The following ZNF570 variants were observed in gnomAD, a reference collection of about 807,000 sequenced individuals.
ZNF570 encodes the protein zinc finger protein 570.
In ZNF570, 8 loss-of-function variants were observed where a neutral mutation model predicts 14.2. That is an observed-to-expected ratio of 0.56 (90% CI 0.33 to 1.02). The LOEUF is 1.02. ZNF570 is among the 50% of genes least tolerant of loss of function. The pLI is 0.03. For missense variants in ZNF570, 559 were observed against 624.9 expected (o/e 0.89, Z 1.12); for synonymous variants, 202 against 207.6 (o/e 0.97, Z 0.23).
At chr19:37,467,796 G>A, upstream of ZNF570, 1 of 1,285,820 alleles carries the variant, frequency 7.8e-7, no homozygotes. Flanking sequence ...AGTGACATCT[G>A]AGGTCGTGCG....
rs2042180780 is a variant in ZNF570, at chr19:37,488,640, A to C, written c.*3407A>C. The C allele has an allele frequency of 6.6e-6, 1 of 152,046 alleles. No homozygotes were observed. The allele number at this position is 152,046 out of a possible 1,614,324, so 9.4% of individuals were successfully genotyped here. Reference sequence around the variant, plus strand: ...TATTTCATAATGCAAAAAAATAAAGAATATTTAAATGATGTTTGCTTCTAT... The same window carrying C: ...TATTTCATAATGCAAAAAAATAAAGCATATTTAAATGATGTTTGCTTCTAT... On this transcript the variant is annotated 3_prime_UTR_variant, in exon 5 of 5. Coordinates refer to ENST00000330173, the MANE Select transcript of ZNF570 (RefSeq NM_144694.5).
upstream of ZNF570, among the ~76,000 whole-genome samples, chr19:37,468,680 G>C (rs2041894846): frequency 6.6e-6 from 1 of 152,066 alleles, no homozygotes; most frequent in South Asian, 2.1e-4. Context: ...TAATTTTTTT[G>C]TATTTTTAGT....
intron 4 of ZNF570, among the ~76,000 whole-genome samples, chr19:37,479,601 T>C (rs563564525): frequency 2.0e-4 from 30 of 152,280 alleles, no homozygotes; most frequent in African/African-American, 7.0e-4. Context: ...TTAAAGAAAC[T>C]TCTACTCTGG....
rs777612440 is a variant in ZNF570 at position 37,469,443 on chromosome 19, A to G, written c.-166A>G. On this transcript the variant is annotated 5_prime_UTR_variant, in exon 1 of 5. Coordinates refer to ENST00000330173, the MANE Select transcript of ZNF570 (RefSeq NM_144694.5). The stretch of plus-strand genomic sequence containing the variant: ...TGCAGATTCCCCGAGCCTTCGGGGC[A>G]GGAAGGAGATCTTCCACCAGTTCTG... 3.3e-6 allele frequency: 5 copies of G among 1,535,556 alleles called. No individual in the cohort carries two copies. Among genetic ancestry groups the G allele is most frequent in the Non-Finnish European group, 4.4e-6 (5 of 1,146,414 alleles).
chr19:37,482,318 C>T (rs1165213058), intron 4 of ZNF570, among the ~76,000 whole-genome samples: 2 of 152,192 alleles, frequency 1.3e-5, no homozygotes, highest in African/African-American at 2.4e-5. Flanking sequence ...GTCAGTTCTG[C>T]AGGCTGTACA....
At position 37,475,954 on chromosome 19, in the gene ZNF570, GACATCTGT is replaced by G. The variant is rs1368121194; in HGVS notation, c.111_118del (p.His37GlnfsTer2). On this transcript the variant is annotated frameshift_variant, in exon 3 of 5. Coordinates refer to ENST00000330173, the MANE Select transcript of ZNF570 (RefSeq NM_144694.5). LOFTEE classifies it high-confidence loss of function. ...TGGGATTGTCTGGATTCTTCTCAAA[GACATCTGT>G]ACAGTAATGTGATGCTAGAGAACTA... The G allele has an allele frequency of 6.2e-7, 1 of 1,613,926 alleles. No individual in the cohort carries two copies. The highest frequency in any genetic ancestry group is 8.5e-7 in the Non-Finnish European group (1 of 1,179,962).
intron 4 of ZNF570, among the ~76,000 whole-genome samples, chr19:37,479,070 G>A (rs1349813409): frequency 1.5e-4 from 23 of 151,040 alleles, no homozygotes; most frequent in Non-Finnish European, 1.5e-5. Context: ...TGAATGTTTG[G>A]TAGAACTTTG....
intron 2 of ZNF570, among the ~76,000 whole-genome samples, chr19:37,471,187 G>A (rs1485859642): frequency 6.6e-6 from 1 of 150,902 alleles, no homozygotes; most frequent in Non-Finnish European, 1.5e-5. Context: ...CTAATTTTTT[G>A]TATTTTTAGT....
intron 4 of ZNF570, among the ~76,000 whole-genome samples, chr19:37,477,341 C>CTT (rs757151185): frequency 1.9e-5 from 2 of 105,670 alleles, no homozygotes; most frequent in Admixed American, 9.6e-5. Context: ...GTATTTGTAA[C>CTT]TTTTTTTTTT....
intron 4 of ZNF570, among the ~76,000 whole-genome samples, chr19:37,481,456 G>C (rs1237088303): frequency 6.6e-6 from 1 of 152,148 alleles, no homozygotes. Flanking sequence ...CCCGGTGACA[G>C]ATTATTTTTA....
chr19:37,485,013 A>C lies in ZNF570; in HGVS notation c.1391A>C (p.His464Pro), dbSNP rs779218290. The change falls in exon 5 of 5, where the codon CAT becomes CCT. Residue 464 changes from histidine (H) to proline (P), a missense_variant. Coordinates refer to ENST00000330173, the MANE Select transcript of ZNF570 (RefSeq NM_144694.5). Reference sequence around the variant, plus strand: ...TCCCTTACTCAACATCAGCGAGTTCATACTGGAGAGAAACCTTATGAATGT... The same window carrying C: ...TCCCTTACTCAACATCAGCGAGTTCCTACTGGAGAGAAACCTTATGAATGT... ...DSSLTQHQRV[H>P]TGEKPYECTV... is the part of the protein sequence containing the mutation. 6.2e-7 allele frequency: 1 copy of C among 1,614,180 alleles called. No individual in the cohort carries two copies. Among genetic ancestry groups the C allele is most frequent in the Non-Finnish European group, 8.5e-7 (1 of 1,180,036 alleles).
At chr19:37,476,110 C>T in intron 3 of ZNF570, 103 bp downstream of exon 3, 1 of 1,482,886 alleles carries the variant, frequency 6.7e-7, no homozygotes, top group Non-Finnish European at 9.0e-7. Context: ...GGCTGAATGT[C>T]TGCTGCCTAT....
At chr19:37,470,200 G>T in intron 1 of ZNF570, 104 bp from the exon 2 acceptor site, 1 of 1,001,430 alleles carries the variant, frequency 1.0e-6, no homozygotes, top group Admixed American at 2.1e-5. Flanking sequence ...CTCTATTGGA[G>T]GGAAGGTTGC....
intron 1 of ZNF570, 62 bp from the exon 2 acceptor site, chr19:37,470,242 G>T: frequency 1.3e-6 from 2 of 1,497,264 alleles, no homozygotes; most frequent in South Asian, 2.3e-5. Flanking sequence ...AAAAAGTCTA[G>T]ACTGGTGATT....
chr19:37,479,384 A>G (rs144366824), intron 4 of ZNF570, among the ~76,000 whole-genome samples: 8 of 152,086 alleles, frequency 5.3e-5, no homozygotes, highest in Non-Finnish European at 1.5e-5. Flanking sequence ...ATTTATTGAA[A>G]GTATTTTGAG....
In ZNF570 at chr19:37,486,135, A is replaced by G. The variant is rs556064727; in HGVS notation, c.*902A>G. 5.3e-5 allele frequency: 8 copies of G among 150,216 alleles called. No homozygotes were observed. In the East Asian group the frequency reaches 1.6e-3, roughly 29 times the overall value. The allele number at this position is 150,216 out of a possible 1,614,324, so 9.3% of individuals were successfully genotyped here. ...TTTTGCTTGTTATTGTTCTTAGACT[A>G]ATATTCACAGCCTTTAAAATTGTCT... On this transcript the variant is annotated 3_prime_UTR_variant, in exon 5 of 5. Coordinates refer to ENST00000330173, the MANE Select transcript of ZNF570 (RefSeq NM_144694.5).
chr19:37,479,646 A>T (rs1452821922), intron 4 of ZNF570, among the ~76,000 whole-genome samples: 1 of 152,144 alleles, frequency 6.6e-6, no homozygotes, highest in Non-Finnish European at 1.5e-5. Flanking sequence ...TGTAATTGTA[A>T]CAGCAGTTTT....
chr19:37,470,857 G>A (rs1481684850), intron 2 of ZNF570, among the ~76,000 whole-genome samples: 6 of 150,614 alleles, frequency 4.0e-5, no homozygotes, highest in Admixed American at 6.6e-5. Context: ...GCGCCATCAC[G>A]CCCAGCTAAT....
chr19:37,472,128 A>G (rs751512994), intron 2 of ZNF570, among the ~76,000 whole-genome samples: 3 of 151,952 alleles, frequency 2.0e-5, no homozygotes, highest in Non-Finnish European at 4.4e-5. Context: ...GATGGTCTCT[A>G]TCTCTTGACC....
Sources: allele counts gnomAD v4.1 joint callset (sites outside exome capture counted in the v4.1 genomes callset), GRCh38; gene constraint gnomAD v4.1.1; transcripts MANE v1.5; gene names NCBI Gene and HGNC (gene_info 2026-07-23, HGNC 2026-07-21).